SLC25A21: variants seen among roughly 807,000 people sequenced by gnomAD.
SLC25A21 encodes the protein solute carrier family 25 member 21.
In SLC25A21, 47 loss-of-function variants were observed where a neutral mutation model predicts 43.8. The ratio of observed to expected loss-of-function variants is 1.07; its 90% CI spans 0.85 to 1.37. SLC25A21 has a LOEUF of 1.37. Among genes scored for constraint, SLC25A21 ranks in the 40% most tolerant of loss-of-function variants. The probability of loss-of-function intolerance (pLI) is 0.00; values close to 1 mark genes in which losing one functional copy is unlikely to be tolerated. For synonymous variants in SLC25A21, 131 were observed against 121.3 expected (o/e 1.08, Z -0.52); for missense variants, 352 against 350.2 (o/e 1.00, Z -0.04).
intron 1 of SLC25A21, among the ~76,000 whole-genome samples, chr14:37,151,485 T>G (rs950526390): frequency 2.6e-5 from 4 of 152,208 alleles, no homozygotes; most frequent in South Asian, 4.1e-4. Context: ...TGGACTTTTG[T>G]ACAAGGGCAG....
At chr14:36,719,628 T>C (rs955373247) in intron 6 of SLC25A21, among the ~76,000 whole-genome samples, 2 of 152,068 alleles carry the variant, frequency 1.3e-5, no homozygotes, top group African/African-American at 2.4e-5. Flanking sequence ...GGAGGAAGGG[T>C]GGCAAGGATT....
At chr14:37,145,723 GCAACT>G (rs1380353680) in intron 1 of SLC25A21, among the ~76,000 whole-genome samples, 2 of 152,072 alleles carry the variant, frequency 1.3e-5, no homozygotes, top group Non-Finnish European at 1.5e-5. Context: ...CAAACTGTAA[GCAACT>G]CAACAATCAG....
chr14:37,041,765 C>T (rs12897058), intron 1 of SLC25A21, among the ~76,000 whole-genome samples: 60,084 of 151,978 alleles, frequency 0.4, 12,665 homozygotes, highest in African/African-American at 0.55. Context: ...TGTTTCTGAA[C>T]ATGATGTAGA....
chr14:36,739,947 AG>A (rs1158724010), intron 3 of SLC25A21, among the ~76,000 whole-genome samples: 1 of 152,118 alleles, frequency 6.6e-6, no homozygotes. Flanking sequence ...AAGAGACAAG[AG>A]GGAATGGTGT....
intron 1 of SLC25A21, among the ~76,000 whole-genome samples, chr14:36,922,701 G>A (rs774923070): frequency 2.0e-5 from 3 of 152,018 alleles, no homozygotes; most frequent in Non-Finnish European, 2.9e-5. Flanking sequence ...GAGACCTCAT[G>A]GAAAACATGG....
intron 7 of SLC25A21, among the ~76,000 whole-genome samples, chr14:36,711,018 G>T (rs1295401823): frequency 6.6e-6 from 1 of 152,120 alleles, no homozygotes; most frequent in Non-Finnish European, 1.5e-5. Flanking sequence ...TAGTAATAAA[G>T]GGAAAGCACT....
intron 3 of SLC25A21, among the ~76,000 whole-genome samples, chr14:36,791,214 G>A (rs975913345): frequency 6.6e-6 from 1 of 151,986 alleles, no homozygotes; most frequent in African/African-American, 2.4e-5. Context: ...TCAAACCAAC[G>A]TATTCCCACT....
At chr14:36,836,404 C>A (rs891378634) in intron 2 of SLC25A21, among the ~76,000 whole-genome samples, 7 of 152,194 alleles carry the variant, frequency 4.6e-5, no homozygotes, top group Admixed American at 4.6e-4. Context: ...TCTTGTGATG[C>A]GTAAATAATG....
At chr14:37,091,242 G>A (rs988109481) in intron 1 of SLC25A21, among the ~76,000 whole-genome samples, 1 of 152,082 alleles carries the variant, frequency 6.6e-6, no homozygotes, top group Non-Finnish European at 1.5e-5. Flanking sequence ...AGACCAGCCT[G>A]GCTAACATGG....
At chr14:36,962,092 T>G (rs1156170) in intron 1 of SLC25A21, among the ~76,000 whole-genome samples, 31,318 of 152,150 alleles carry the variant, frequency 0.21, 3,895 homozygotes, top group Admixed American at 0.3. Flanking sequence ...CACTCATCCT[T>G]TCTCTAGCCT....
chr14:36,749,999 G>T (rs1344052182), intron 3 of SLC25A21, among the ~76,000 whole-genome samples: 4 of 152,128 alleles, frequency 2.6e-5, no homozygotes, highest in Admixed American at 6.6e-5. Context: ...GTATGGCAGG[G>T]ATTTCTGTCT....
chr14:37,073,711 A>G (rs1246522124), intron 1 of SLC25A21, among the ~76,000 whole-genome samples: 1 of 152,150 alleles, frequency 6.6e-6, no homozygotes, highest in Non-Finnish European at 1.5e-5. Flanking sequence ...TGAAGCCAAC[A>G]GGCCCTCTTG....
At chr14:37,103,372 C>T (rs905027531) in intron 1 of SLC25A21, among the ~76,000 whole-genome samples, 3 of 152,234 alleles carry the variant, frequency 2.0e-5, no homozygotes, top group East Asian at 3.9e-4. Flanking sequence ...ACCACTGGAG[C>T]GTCTATCACG....
intron 1 of SLC25A21, among the ~76,000 whole-genome samples, chr14:37,104,364 G>C (rs952061878): frequency 1.8e-4 from 27 of 152,116 alleles, no homozygotes; most frequent in African/African-American, 6.3e-4. Context: ...CTCTAGAATT[G>C]AGCAAGAAAT....
At chr14:36,928,713 G>A (rs756953022) in intron 1 of SLC25A21, among the ~76,000 whole-genome samples, 1 of 152,108 alleles carries the variant, frequency 6.6e-6, no homozygotes, top group Non-Finnish European at 1.5e-5. Flanking sequence ...TTTCAAATCC[G>A]TGACTCTCTA....
intron 1 of SLC25A21, among the ~76,000 whole-genome samples, chr14:37,165,616 T>C (rs1964017645): frequency 6.6e-6 from 1 of 151,916 alleles, no homozygotes; most frequent in African/African-American, 2.4e-5. Flanking sequence ...GAAAATTCAG[T>C]GTGGACAAGG....
At chr14:37,072,411 A>G (rs765044875) in intron 1 of SLC25A21, among the ~76,000 whole-genome samples, 19 of 152,096 alleles carry the variant, frequency 1.2e-4, no homozygotes, top group Non-Finnish European at 2.1e-4. Flanking sequence ...AAAGTAGGGG[A>G]TGTGCAGGGT....
intron 1 of SLC25A21, among the ~76,000 whole-genome samples, chr14:37,081,476 TTCTG>T (rs1223650400): frequency 2.0e-5 from 3 of 152,170 alleles, no homozygotes; most frequent in South Asian, 2.1e-4. Context: ...TGCTTCTTGT[TTCTG>T]TCTATCAGAA....
intron 7 of SLC25A21, among the ~76,000 whole-genome samples, chr14:36,707,371 T>C (rs929808367): frequency 4.6e-5 from 7 of 152,200 alleles, no homozygotes; most frequent in Non-Finnish European, 7.3e-5. Context: ...TCCTGGTGCT[T>C]GGCACATGTT....
Sources: allele counts gnomAD v4.1 joint callset (sites outside exome capture counted in the v4.1 genomes callset), GRCh38; gene constraint gnomAD v4.1.1; transcripts MANE v1.5; gene names NCBI Gene and HGNC (gene_info 2026-07-23, HGNC 2026-07-21).